Variants in MORN1 observed in about 807,000 individuals in gnomAD.
MORN1 encodes the protein MORN repeat-containing protein 1.
A neutral mutation model predicts 61.9 loss-of-function variants in MORN1; 67 were observed. The ratio of observed to expected loss-of-function variants is 1.08; its 90% CI spans 0.89 to 1.33. MORN1 has a LOEUF of 1.33. Ranked by LOEUF, MORN1 falls within the 40% of genes most tolerant of loss-of-function variation. The probability of loss-of-function intolerance (pLI) is 0.00; values close to 1 mark genes in which losing one functional copy is unlikely to be tolerated. For missense variants in MORN1, 752 were observed against 691.2 expected, an observed-to-expected ratio of 1.09 and a Z score of -0.99; for synonymous variants, 301 against 292.0, an observed-to-expected ratio of 1.03 and a Z score of -0.31.
chr1:2,333,436 T>C (rs1641201239), intron 12 of MORN1, among the ~76,000 whole-genome samples: 1 of 152,192 alleles, frequency 6.6e-6, no homozygotes, highest in South Asian at 2.1e-4. Context: ...GTGAGTGGCC[T>C]CGGGCCTGGA....
intron 12 of MORN1, among the ~76,000 whole-genome samples, chr1:2,327,463 CAG>C (rs1641059056): frequency 6.6e-6 from 1 of 151,436 alleles, no homozygotes; most frequent in Admixed American, 6.6e-5. Flanking sequence ...AACACAAACA[CAG>C]AAACACAGAA....
chr1:2,346,513 G>A (rs1641518738), intron 10 of MORN1, among the ~76,000 whole-genome samples: 1 of 152,180 alleles, frequency 6.6e-6, no homozygotes, highest in African/African-American at 2.4e-5. Flanking sequence ...AGCCTCCTGA[G>A]TAGCTGGGAT....
chr1:2,388,451 T>C (rs1642557827), intron 2 of MORN1, 114 bp from the exon 3 acceptor site: 8 of 782,688 alleles, frequency 1.0e-5, no homozygotes, highest in Non-Finnish European at 1.8e-5. Context: ...AAAACTTGTG[T>C]TTGGCTCCAT....
At chr1:2,356,959 G>A (rs1433445837) in intron 10 of MORN1, among the ~76,000 whole-genome samples, 1 of 152,200 alleles carries the variant, frequency 6.6e-6, no homozygotes, top group Non-Finnish European at 1.5e-5. Flanking sequence ...TCATCTCCAC[G>A]AAGAAACGTG....
At chr1:2,327,287 CACACAGAA>C (rs1332427725) in intron 12 of MORN1, among the ~76,000 whole-genome samples, 2 of 151,264 alleles carry the variant, frequency 1.3e-5, no homozygotes, top group African/African-American at 2.4e-5. Flanking sequence ...GACACAGAAA[CACACAGAA>C]ACACAGAAAC....
intron 10 of MORN1, chr1:2,351,480 C>G (rs1354522183): frequency 5.7e-6 from 1 of 174,558 alleles, no homozygotes; most frequent in Non-Finnish European, 1.2e-5. Context: ...GGGGTACGTT[C>G]GTGACGGGCT....
At chr1:2,383,158 G>A (rs1380500993) in intron 6 of MORN1, among the ~76,000 whole-genome samples, 1 of 152,124 alleles carries the variant, frequency 6.6e-6, no homozygotes, top group Non-Finnish European at 1.5e-5. Flanking sequence ...TTTGCCTGAC[G>A]GGAACTGGAC....
chr1:2,321,697 T>A (rs1640884912), intron 13 of MORN1, 118 bp from the exon 14 acceptor site: 1 of 1,302,368 alleles, frequency 7.7e-7, no homozygotes. Flanking sequence ...ACCCTGGTCA[T>A]CTCTGCCTGG....
At position 2,321,552 on chromosome 1, in the gene MORN1, A is replaced by G. The variant is rs1320480454; in HGVS notation, c.1325T>C (p.Val442Ala). 17 of 1,520,544 alleles carry G rather than the reference A, an allele frequency of 1.1e-5. No individual in the cohort carries two copies. In the East Asian group the frequency reaches 3.5e-4, roughly 31 times the overall value. The allele number at this position is 1,520,544 out of a possible 1,614,324, so 94.2% of individuals were successfully genotyped here. A position where few individuals can be genotyped will look rare whatever the true frequency, so the allele number is the denominator to read the frequency against. ...LGEYVLMIRD[V>A]TTPPFLGRRL... is the part of the protein sequence containing the mutation. ...GCGCCCCAGGAACGGCGGGGTGGTC[A>G]CGTCGCGGATCATGAGCACGTACTC... Residue 442 changes from valine to alanine, a missense_variant, in exon 14 of 14, where the codon GTG becomes GCG. Val to Ala is a moderately conservative substitution (Grantham distance 64). Transcript: ENST00000378531.
chr1:2,388,390 A>G (rs1312330555), intron 2 of MORN1, 53 bp from the exon 3 acceptor site: 1 of 1,437,102 alleles, frequency 7.0e-7, no homozygotes, highest in Non-Finnish European at 9.8e-7. Flanking sequence ...TTGACTGCGA[A>G]TGACACTGTG....
At chr1:2,362,150 T>C (rs1012910392) in intron 8 of MORN1, among the ~76,000 whole-genome samples, 2 of 152,204 alleles carry the variant, frequency 1.3e-5, no homozygotes, top group African/African-American at 4.8e-5. Context: ...GAGAATCACT[T>C]GAACCCGGGA....
intron 12 of MORN1, among the ~76,000 whole-genome samples, chr1:2,325,183 C>CTCCCTTCCTTCCCTCCCTTCCT (rs1640994620): frequency 1.7e-5 from 1 of 60,128 alleles, no homozygotes; most frequent in Non-Finnish European, 3.7e-5. Context: ...CCTTCCTTCC[C>CTCCCTTCCTTCCCTCCCTTCCT]TTCCTTCACT....
Position 2,372,491 on chromosome 1 carries a change from T to C in MORN1, c.735A>G (p.Glu245=). The change falls in exon 8 of 14, where the codon GAA becomes GAG. Residue 245 remains glutamate, a synonymous_variant. Transcript: ENST00000378531. This position sits in a 1 kb window ranked among gnomAD's most constrained non-coding sequence, Gnocchi z 5.4. ...CCTGGAGATGCTTACTCTTGGCAAT[T>C]TCCCCGTGGTCCTGCAGCAGCTGAA... The part of the protein sequence containing the change: ...VNVQLLQDHG[E]IAKSESGRVL... 1 of 1,612,960 alleles carries C rather than the reference T, an allele frequency of 6.2e-7. No individual in the cohort carries two copies. The highest frequency in any genetic ancestry group is 1.3e-5 in the African/African-American group (1 of 74,898).
chr1:2,335,840 GCCCA>G (rs1641261136), intron 12 of MORN1, among the ~76,000 whole-genome samples: 1 of 151,214 alleles, frequency 6.6e-6, no homozygotes, highest in African/African-American at 2.5e-5. Context: ...GCCCAGCCCA[GCCCA>G]GCGCGCAGCT....
In MORN1 at chr1:2,321,333, C is replaced by A; in HGVS notation, c.*50G>T. ...GGGAGCAGAGTCACGCAAGCAGAGG[C>A]AGCGTTTCCTTCCATTCACACCGAG... On this transcript the variant is annotated 3_prime_UTR_variant, in exon 14 of 14. Transcript: ENST00000378531. The A allele has an allele frequency of 7.7e-7, 1 of 1,296,040 alleles. No individual in the cohort carries two copies. Among genetic ancestry groups the A allele is most frequent in the Non-Finnish European group, 1.0e-6 (1 of 965,222 alleles). 80.3% of individuals were successfully genotyped at this position (1,296,040 alleles called of 1,614,324 possible).
chr1:2,374,454 C>T lies in MORN1; in HGVS notation c.634+7G>A, dbSNP rs776140793. On this transcript the variant is annotated splice_region_variant and intron_variant, in intron 7 of 13. Coordinates refer to ENST00000378531, the MANE Select transcript of MORN1 (RefSeq NM_024848.3). Reference sequence around the variant, plus strand: ...CACAGTGCCCACAGGAAGGCAGGGACACCTACCTGCTGGGTGGCCATTGAT... The same window carrying T: ...CACAGTGCCCACAGGAAGGCAGGGATACCTACCTGCTGGGTGGCCATTGAT... The T allele has an allele frequency of 8.2e-6, 13 of 1,576,578 alleles. No individual in the cohort carries two copies. The South Asian group carries it at 1.5e-4, about 18-fold the overall frequency.
intron 4 of MORN1, 127 bp from the exon 5 acceptor site, chr1:2,386,024 G>C (rs1642489722): frequency 1.3e-6 from 1 of 750,498 alleles, no homozygotes. Context: ...TGGGGCTCAG[G>C]GCCCCCCAGG....
At chr1:2,358,220 C>T (rs1045202088) in intron 9 of MORN1, among the ~76,000 whole-genome samples, 2 of 152,082 alleles carry the variant, frequency 1.3e-5, no homozygotes, top group Non-Finnish European at 2.9e-5. Context: ...GGGCCACTCC[C>T]CTCCTGGCTG....
intron 12 of MORN1, among the ~76,000 whole-genome samples, chr1:2,333,987 C>T (rs1350304969): frequency 6.6e-6 from 1 of 152,118 alleles, no homozygotes; most frequent in East Asian, 1.9e-4. Flanking sequence ...GGAGCTGGGA[C>T]CCAGACCAGA....
Sources: gnomAD v4.1 joint callset for allele counts (sites outside exome capture counted in the v4.1 genomes callset) on GRCh38, gnomAD v4.1.1 for gene constraint, Gnocchi (gnomAD v3.1) non-coding constraint, MANE v1.5 for transcripts, NCBI Gene and HGNC (gene_info 2026-07-23, HGNC 2026-07-21) for gene names.